UHRF2: variants seen among roughly 807,000 people sequenced by gnomAD.
UHRF2 encodes ubiquitin like with PHD and ring finger domains 2, also known as E3 ubiquitin-protein ligase UHRF2.
In UHRF2, 23 loss-of-function variants were observed where a neutral mutation model predicts 96.8. The ratio of observed to expected loss-of-function variants is 0.24; its 90% confidence interval spans 0.17 to 0.34. UHRF2 has a LOEUF of 0.34. Ranked by LOEUF, UHRF2 falls within the 10% of genes least tolerant of loss-of-function variation. UHRF2 has a pLI of 1.00. For missense variants in UHRF2, 685 were observed against 981.5 expected, an observed-to-expected ratio of 0.70 and a Z score of 4.04; for synonymous variants, 385 against 332.6, an observed-to-expected ratio of 1.16 and a Z score of -1.72.
At chr9:6,500,060 C>T (rs1320876751) in intron 13 of UHRF2, 129 bp downstream of exon 13, 2 of 679,952 alleles carry the variant, frequency 2.9e-6, no homozygotes, top group African/African-American at 1.8e-5. Flanking sequence ...GTAGCCTTGA[C>T]CTCCTGGGCT....
At chr9:6,495,295 T>C (rs1407335205) in intron 10 of UHRF2, 4 of 152,160 alleles carry the variant, frequency 2.6e-5, no homozygotes, top group Non-Finnish European at 4.4e-5. Flanking sequence ...AAAGAGGAGA[T>C]AGTGAAAATG....
intron 1 of UHRF2, among the ~76,000 whole-genome samples, chr9:6,417,967 C>G (rs1394347353): frequency 6.6e-6 from 1 of 152,182 alleles, no homozygotes; most frequent in Non-Finnish European, 1.5e-5. Flanking sequence ...GCAGTTTTAT[C>G]ACTTTAACTG....
intron 3 of UHRF2, among the ~76,000 whole-genome samples, chr9:6,446,500 C>G (rs1821514439): frequency 6.6e-6 from 1 of 151,886 alleles, no homozygotes; most frequent in Non-Finnish European, 1.5e-5. Flanking sequence ...AGGCTGGTCT[C>G]AAACTCCTGG....
intron 8 of UHRF2, among the ~76,000 whole-genome samples, chr9:6,483,756 C>A (rs1461139294): frequency 1.3e-5 from 2 of 152,224 alleles, no homozygotes; most frequent in Non-Finnish European, 2.9e-5. Context: ...ATGGCACGAT[C>A]TTGGCTCACC....
chr9:6,497,385 G>C, intron 11 of UHRF2, 25 bp downstream of exon 11: 6 of 1,608,070 alleles, frequency 3.7e-6, no homozygotes, highest in South Asian at 2.2e-5. Flanking sequence ...ATGACATCTT[G>C]TTTGTCATTC....
chr9:6,506,193 A>T lies in UHRF2; in HGVS notation c.*14A>T. On this transcript the variant is annotated 3_prime_UTR_variant, in exon 16 of 16. Coordinates refer to ENST00000276893, the MANE Select transcript of UHRF2 (RefSeq NM_152896.3). ...AAAGGACGATGATCTGCCTGCTTTCACTGTGTTGTTCATGGTGGCTTTTTG... is the reference window on the plus strand; with the variant it reads ...AAAGGACGATGATCTGCCTGCTTTCTCTGTGTTGTTCATGGTGGCTTTTTG... The T allele has an allele frequency of 6.2e-7, 1 of 1,613,660 alleles. No individual in the cohort carries two copies.
At chr9:6,451,999 A>G (rs1269090702) in intron 3 of UHRF2, among the ~76,000 whole-genome samples, 2 of 152,150 alleles carry the variant, frequency 1.3e-5, no homozygotes, top group African/African-American at 4.8e-5. Flanking sequence ...TATATATGCC[A>G]TATACCCATA....
chr9:6,500,565 T>G lies in UHRF2; in HGVS notation c.2019T>G (p.Ser673Arg). Residue 673 changes from serine to arginine, a missense_variant, in exon 14 of 16, where the codon AGT (serine) becomes AGG (arginine). By Grantham distance (110) the Ser-to-Arg change is moderately radical (BLOSUM62 -1). Around this residue, in one of 6 missense-constraint regions of UHRF2, gnomAD observed 99 missense variants for 73.5 expected, o/e 1.35. Coordinates refer to ENST00000276893, the MANE Select transcript of UHRF2 (RefSeq NM_152896.3). Reference protein sequence around the residue: ...KRPISDDDCPSASKVYKASDS... With the variant: ...KRPISDDDCPRASKVYKASDS... The stretch of plus-strand genomic sequence containing the variant: ...AAATAAATCTAGATGACTGTCCAAG[T>G]GCCTCCAAAGTGTACAAAGCATCAG... 6.2e-7 allele frequency: 1 copy of G among 1,611,374 alleles called. No individual in the cohort carries two copies. Among genetic ancestry groups the G allele is most frequent in the Non-Finnish European group, 8.5e-7 (1 of 1,179,502 alleles).
At chr9:6,469,680 G>T (rs201018616) in intron 4 of UHRF2, among the ~76,000 whole-genome samples, 2 of 89,222 alleles carry the variant, frequency 2.2e-5, no homozygotes, top group Admixed American at 2.2e-4. Context: ...GTGTGTGTAT[G>T]TATATATATA....
chr9:6,455,307 G>C (rs1360890252), intron 3 of UHRF2, among the ~76,000 whole-genome samples: 1 of 152,066 alleles, frequency 6.6e-6, no homozygotes, highest in East Asian at 1.9e-4. Flanking sequence ...CCCCACAACA[G>C]GCCCGGGTGT....
chr9:6,471,513 G>T (rs528282209), intron 4 of UHRF2, among the ~76,000 whole-genome samples: 1 of 152,198 alleles, frequency 6.6e-6, no homozygotes, highest in Non-Finnish European at 1.5e-5. Flanking sequence ...AAAGATACCA[G>T]CTTCCATTTT....
chr9:6,467,546 T>C (rs970956362), intron 4 of UHRF2, among the ~76,000 whole-genome samples: 4 of 151,928 alleles, frequency 2.6e-5, no homozygotes, highest in Non-Finnish European at 5.9e-5. Context: ...TTCTAGGCAC[T>C]AGTTACAATA....
At position 6,503,464 on chromosome 9, in the gene UHRF2, A is replaced by G. The variant is rs199872221; in HGVS notation, c.2164-1129A>G. ...GCCAGTAATGGCTTTTGAAGAATAC[A>G]GGGTATCCATTTGATCATGTTTACA... On this transcript the variant is annotated intron_variant, in intron 14 of 15. Coordinates refer to ENST00000276893, the MANE Select transcript of UHRF2 (RefSeq NM_152896.3). Among the ~76,000 whole-genome samples, 627 of 152,102 alleles carry G rather than the reference A, an allele frequency of 4.1e-3. 2 individuals carry two copies. The highest frequency in any genetic ancestry group is 7.7e-3 in the Non-Finnish European group (525 of 67,986).
chr9:6,488,319 G>T (rs1423411450), intron 9 of UHRF2, among the ~76,000 whole-genome samples: 1 of 124,372 alleles, frequency 8.0e-6, no homozygotes, highest in Non-Finnish European at 1.6e-5. Flanking sequence ...GCGGGAAGGG[G>T]ATCCTGTGCC....
chr9:6,414,160 C>T (rs1225389626), intron 1 of UHRF2: 5 of 152,330 alleles, frequency 3.3e-5, no homozygotes, highest in Admixed American at 2.6e-4. Flanking sequence ...ACTCTGCTTC[C>T]TGACTGTGGT....
At chr9:6,426,515 T>C (rs1339831855) in intron 2 of UHRF2, among the ~76,000 whole-genome samples, 2 of 152,180 alleles carry the variant, frequency 1.3e-5, no homozygotes, top group African/African-American at 4.8e-5. Context: ...TTTATTTACT[T>C]TTTGGGGGAT....
At chr9:6,482,529 C>T (rs182270804) in intron 8 of UHRF2, among the ~76,000 whole-genome samples, 1 of 151,812 alleles carries the variant, frequency 6.6e-6, no homozygotes, top group South Asian at 2.1e-4. Flanking sequence ...GCCAGCTAAT[C>T]CAAGAATAAA....
chr9:6,423,283 T>C, intron 2 of UHRF2, among the ~76,000 whole-genome samples: 1 of 152,224 alleles, frequency 6.6e-6, no homozygotes, highest in East Asian at 1.9e-4. Flanking sequence ...TAATGTTACC[T>C]AAGTTGACCT....
intron 3 of UHRF2, among the ~76,000 whole-genome samples, chr9:6,445,966 TC>T (rs35680435): frequency 0.24 from 27,083 of 112,444 alleles, 4,111 homozygotes; most frequent in East Asian, 0.33. Flanking sequence ...TAAATACTCT[TC>T]CCCCCCCGCC....
Sources: allele counts gnomAD v4.1 joint callset (sites outside exome capture counted in the v4.1 genomes callset), GRCh38; gene constraint gnomAD v4.1.1; regional missense constraint gnomAD v4.1.1; transcripts MANE v1.5; gene names NCBI Gene and HGNC (gene_info 2026-07-23, HGNC 2026-07-21).